Variants in GAB4 observed in about 807,000 individuals in gnomAD.
GAB4 encodes GRB2 associated binding protein family member 4.
In GAB4, 26 loss-of-function variants were observed where a neutral mutation model predicts 51.3. The ratio of observed to expected loss-of-function variants is 0.51; its 90% CI spans 0.37 to 0.70. GAB4 has a LOEUF of 0.70. GAB4 is among the 30% of genes least tolerant of loss of function. The pLI is 0.00. For missense variants in GAB4, 759 were observed against 734.6 expected, an observed-to-expected ratio of 1.03 and a Z score of -0.38; for synonymous variants, 329 against 291.2, an observed-to-expected ratio of 1.13 and a Z score of -1.32.
intron 3 of GAB4, among the ~76,000 whole-genome samples, chr22:16,983,949 A>C (rs5746953): frequency 6.6e-6 from 1 of 151,992 alleles, no homozygotes; most frequent in Non-Finnish European, 1.5e-5. Context: ...AAAACTGACA[A>C]ATGGGATTAT....
chr22:16,981,393 T>C (rs1019673038), intron 3 of GAB4, among the ~76,000 whole-genome samples: 1 of 151,844 alleles, frequency 6.6e-6, no homozygotes, highest in Non-Finnish European at 1.5e-5. Context: ...TTTAGCTAGA[T>C]TAACAAAAAA....
Position 16,970,087 on chromosome 22 carries a change from C to T in GAB4, c.793G>A (p.Gly265Ser), listed in dbSNP as rs750376591. ...HSGYSVDGVS[G>S]HIHGFHSLSK... ...AGGCTATGGAAGCCATGGATGTGAC[C>T]GCTGACCCCATCAACACTGTATCCA... The change falls in exon 4 of 10, where the codon GGT becomes AGT. Residue 265 changes from glycine (G) to serine (S), a missense_variant. Transcript: ENST00000400588. 19 of 1,614,128 alleles carry T rather than the reference C, an allele frequency of 1.2e-5. No homozygotes were observed. The highest frequency in any genetic ancestry group is 1.0e-4 in the Admixed American group (6 of 60,010).
chr22:17,004,122 G>A (rs1047056079), intron 1 of GAB4, among the ~76,000 whole-genome samples: 3 of 152,100 alleles, frequency 2.0e-5, no homozygotes, highest in Non-Finnish European at 4.4e-5. Context: ...GACTAAACCA[G>A]GAAGAAGTCA....
In GAB4 at chr22:16,962,676, G is replaced by A; in HGVS notation, c.*57C>T. The A allele has an allele frequency of 6.6e-7, 1 of 1,510,368 alleles. No homozygotes were observed. The highest frequency in any genetic ancestry group is 9.0e-7 in the Non-Finnish European group (1 of 1,109,634). The allele number at this position is 1,510,368 out of a possible 1,614,324, so 93.6% of individuals were successfully genotyped here. ...CCCTGATATTACAGAGCTTTAGAGTGTGGCGGAGCAGCTCTGAGGCACTGT... is the reference window on the plus strand; with the variant it reads ...CCCTGATATTACAGAGCTTTAGAGTATGGCGGAGCAGCTCTGAGGCACTGT... On this transcript the variant is annotated 3_prime_UTR_variant, in exon 10 of 10. Coordinates refer to ENST00000400588, the MANE Select transcript of GAB4 (RefSeq NM_001037814.1).
chr22:16,994,799 A>T (rs2060938256), intron 1 of GAB4, among the ~76,000 whole-genome samples: 1 of 152,180 alleles, frequency 6.6e-6, no homozygotes, highest in Non-Finnish European at 1.5e-5. Context: ...TGTTACACTG[A>T]CTAGACCCTT....
chr22:16,966,773 G>A (rs2060679825), intron 5 of GAB4: 1 of 181,196 alleles, frequency 5.5e-6, no homozygotes, highest in Non-Finnish European at 1.2e-5. Flanking sequence ...TCCATTTAAA[G>A]GGAGCAGCAA....
chr22:16,972,203 G>A (rs1223639239), intron 3 of GAB4, among the ~76,000 whole-genome samples: 1 of 152,190 alleles, frequency 6.6e-6, no homozygotes, highest in African/African-American at 2.4e-5. Flanking sequence ...TCACAGCAGT[G>A]GAGGAGGTGT....
intron 1 of GAB4, 111 bp downstream of exon 1, chr22:17,007,830 C>T (rs2061053897): frequency 1.0e-6 from 1 of 995,504 alleles, no homozygotes; most frequent in Non-Finnish European, 1.5e-6. Context: ...GTGGAGAAGT[C>T]GCCTCCACCC....
chr22:16,998,408 T>C (rs2060967968), intron 1 of GAB4, among the ~76,000 whole-genome samples: 1 of 152,224 alleles, frequency 6.6e-6, no homozygotes, highest in East Asian at 1.9e-4. Flanking sequence ...TTTGAAGCAA[T>C]TGTGAATGGG....
chr22:16,979,109 T>G (rs1276429044), intron 3 of GAB4, among the ~76,000 whole-genome samples: 1 of 152,196 alleles, frequency 6.6e-6, no homozygotes, highest in Non-Finnish European at 1.5e-5. Flanking sequence ...GCATTCCCTT[T>G]GAAAACTGGC....
intron 3 of GAB4, among the ~76,000 whole-genome samples, chr22:16,978,230 G>A (rs116841791): frequency 1.9e-4 from 29 of 152,100 alleles, no homozygotes; most frequent in African/African-American, 5.5e-4. Flanking sequence ...TCAAAAAATC[G>A]ATGAATCCAC....
Position 17,000,039 on chromosome 22 carries a change from C to T in GAB4, c.175-7863G>A, listed in dbSNP as rs150197674. On this transcript the variant is annotated intron_variant, in intron 1 of 9. Coordinates refer to ENST00000400588, the MANE Select transcript of GAB4 (RefSeq NM_001037814.1). ...TATCATTTCTGTTTTTCTACATTGG[C>T]TGAGGAGTGCTTTACTTCCAACGAT... Among the ~76,000 whole-genome samples, 617 of 152,292 alleles carry T rather than the reference C, an allele frequency of 4.1e-3. 1 individual carries two copies. Among genetic ancestry groups the T allele is most frequent in the Middle Eastern group, 0.024 (7 of 294 alleles).
At chr22:16,998,770 T>C (rs1601288303) in intron 1 of GAB4, among the ~76,000 whole-genome samples, 1 of 152,360 alleles carries the variant, frequency 6.6e-6, no homozygotes, top group East Asian at 1.9e-4. Flanking sequence ...CAGTATGATA[T>C]TGGCTGTCGG....
At chr22:16,974,645 A>G (rs1463442969) in intron 3 of GAB4, among the ~76,000 whole-genome samples, 1 of 152,222 alleles carries the variant, frequency 6.6e-6, no homozygotes, top group Admixed American at 6.5e-5. Context: ...TAGGTTTTGT[A>G]GCCACTTCCT....
intron 1 of GAB4, among the ~76,000 whole-genome samples, chr22:17,000,657 A>G (rs1471723024): frequency 6.6e-6 from 1 of 152,122 alleles, no homozygotes; most frequent in Admixed American, 6.5e-5. Flanking sequence ...TAATATTGTT[A>G]TGTGTGAATT....
chr22:16,983,442 GAAAT>G (rs1245836890), intron 3 of GAB4, among the ~76,000 whole-genome samples: 1 of 152,090 alleles, frequency 6.6e-6, no homozygotes, highest in Non-Finnish European at 1.5e-5. Context: ...TACAGAAATA[GAAAT>G]AAAAACTCTA....
Position 16,963,732 on chromosome 22 carries a change from G to T in GAB4, c.1574C>A (p.Pro525Gln), listed in dbSNP as rs368681956. The change falls in exon 9 of 10, where the codon CCG (proline) becomes CAG (glutamine). Residue 525 changes from proline to glutamine, a missense_variant. This residue lies in a region of GAB4 where 588 missense variants were observed against 510.2 expected (regional missense o/e 1.15). Coordinates refer to ENST00000400588, the MANE Select transcript of GAB4 (RefSeq NM_001037814.1). Reference sequence around the variant, plus strand: ...CAGCTCCACCCCAGGCACCTTGCTCGGCTGGAAGTCCAGGGCCGCGTAGTG... The same window carrying T: ...CAGCTCCACCCCAGGCACCTTGCTCTGCTGGAAGTCCAGGGCCGCGTAGTG... ...NIHYAALDFQ[P>Q]SKPSIGSVTS... 1.2e-6 allele frequency: 2 copies of T among 1,612,718 alleles called. No homozygotes were observed. The highest frequency in any genetic ancestry group is 1.1e-5 in the South Asian group (1 of 91,026).
chr22:16,992,935 A>C (rs554588725), intron 1 of GAB4, among the ~76,000 whole-genome samples: 2 of 152,260 alleles, frequency 1.3e-5, no homozygotes, highest in East Asian at 3.9e-4. Flanking sequence ...TATGTTGCCT[A>C]GGCTCATCTT....
At chr22:16,971,130 G>A (rs1309385138) in intron 3 of GAB4, among the ~76,000 whole-genome samples, 3 of 152,220 alleles carry the variant, frequency 2.0e-5, no homozygotes, top group Non-Finnish European at 2.9e-5. Flanking sequence ...GGAGGCCGAG[G>A]CTGCAGTGAG....
Sources: gnomAD v4.1 joint callset for allele counts (sites outside exome capture counted in the v4.1 genomes callset) on GRCh38, gnomAD v4.1.1 for gene constraint, gnomAD v4.1.1 regional missense constraint, MANE v1.5 for transcripts, NCBI Gene and HGNC (gene_info 2026-07-23, HGNC 2026-07-21) for gene names.